CIROZ: variants seen among roughly 807,000 people sequenced by gnomAD.
The protein encoded by CIROZ is ciliated left-right organizer protein containing ZP-N domains.
chr1:10,962,564 C>G, the CIROZ span, among the ~76,000 whole-genome samples: 2 of 152,114 alleles, frequency 1.3e-5, no homozygotes, highest in Non-Finnish European at 2.9e-5. Flanking sequence ...GGAGTGCAGT[C>G]CAGCCTCAGC....
chr1:10,949,904 TC>T, the CIROZ span: 1 of 1,216,488 alleles, frequency 8.2e-7, no homozygotes, highest in Non-Finnish European at 1.1e-6. Context: ...TGACCCCTTT[TC>T]CACAGGTGGG....
chr1:10,969,866 T>C, the CIROZ span: 4 of 1,404,680 alleles, frequency 2.8e-6, no homozygotes, highest in Non-Finnish European at 3.7e-6. Context: ...ATTTGAGTGA[T>C]GCCCAGGAAC....
the CIROZ span, among the ~76,000 whole-genome samples, chr1:10,981,841 G>A: frequency 1.3e-5 from 2 of 152,176 alleles, no homozygotes; most frequent in African/African-American, 4.8e-5. Flanking sequence ...ACCTGAGAAA[G>A]TCAGCCCTTC....
At chr1:10,969,081 C>T in the CIROZ span, among the ~76,000 whole-genome samples, 1 of 152,152 alleles carries the variant, frequency 6.6e-6, no homozygotes. Context: ...CCTCCCAGGG[C>T]AGATTTAGGC....
chr1:10,959,557 G>A, the CIROZ span, among the ~76,000 whole-genome samples: 2 of 152,230 alleles, frequency 1.3e-5, no homozygotes, highest in East Asian at 3.9e-4. This position sits in a 1 kb window ranked among gnomAD's most constrained non-coding sequence, Gnocchi z 4.3. Flanking sequence ...ACCGGACAGA[G>A]TCACAGACCA....
chr1:10,948,795 T>G, the CIROZ span: 1 of 1,514,868 alleles, frequency 6.6e-7, no homozygotes, highest in Non-Finnish European at 8.8e-7. Flanking sequence ...GGCAGATGTC[T>G]GGCCTCTTCT....
the CIROZ span, chr1:10,957,673 C>T: frequency 1.2e-6 from 2 of 1,614,190 alleles, no homozygotes; most frequent in South Asian, 2.2e-5. Context: ...TGGTGGCATT[C>T]ATGTCCACAT....
At chr1:10,963,013 G>A in the CIROZ span, among the ~76,000 whole-genome samples, 2 of 152,126 alleles carry the variant, frequency 1.3e-5, no homozygotes, top group Non-Finnish European at 2.9e-5. Context: ...CCAGCTACTT[G>A]GGAGGCTGAA....
the CIROZ span, chr1:10,964,320 G>C: frequency 6.4e-7 from 1 of 1,551,456 alleles, no homozygotes; most frequent in East Asian, 2.4e-5. Flanking sequence ...GGAAAATACA[G>C]TTAATAGCCT....
At chr1:10,974,052 G>A in the CIROZ span, among the ~76,000 whole-genome samples, 2 of 152,088 alleles carry the variant, frequency 1.3e-5, no homozygotes, top group Non-Finnish European at 2.9e-5. The surrounding 1 kb of genome is among the most constrained non-coding windows in gnomAD (Gnocchi z 4.4). Flanking sequence ...GGGGGTTTGG[G>A]GCCAAGCCTG....
chr1:10,981,969 C>G, the CIROZ span: 5 of 1,535,296 alleles, frequency 3.3e-6, no homozygotes, highest in Non-Finnish European at 4.4e-6. Context: ...GCACACTAAG[C>G]ATGCCACTGG....
At chr1:10,969,014 A>G in the CIROZ span, among the ~76,000 whole-genome samples, 2 of 152,266 alleles carry the variant, frequency 1.3e-5, no homozygotes, top group East Asian at 3.9e-4. Context: ...GTGGCCTTTT[A>G]ATACACAAAT....
the CIROZ span, among the ~76,000 whole-genome samples, chr1:10,973,929 C>G: frequency 1.3e-5 from 2 of 151,364 alleles, no homozygotes; most frequent in African/African-American, 2.4e-5. Context: ...GTCTCTGCAG[C>G]CTGCACCCTC....
the CIROZ span, chr1:10,957,874 C>T: frequency 8.4e-7 from 1 of 1,191,112 alleles, no homozygotes; most frequent in Non-Finnish European, 1.2e-6. Context: ...GGAGGATAAT[C>T]TAGGCCAGGA....
the CIROZ span, chr1:10,948,912 T>C: frequency 7.1e-7 from 1 of 1,401,242 alleles, no homozygotes; most frequent in Non-Finnish European, 9.4e-7. Flanking sequence ...CCGGCTGCCC[T>C]GAGAATCTCA....
the CIROZ span, chr1:10,964,274 G>A: frequency 1.9e-6 from 3 of 1,606,902 alleles, no homozygotes; most frequent in Non-Finnish European, 2.6e-6. Context: ...TTTGCTTTCT[G>A]GAAGTAGGGC....
the CIROZ span, chr1:10,964,405 G>T: frequency 8.8e-7 from 1 of 1,134,040 alleles, no homozygotes; most frequent in Non-Finnish European, 1.2e-6. Flanking sequence ...TGTGGAAGAG[G>T]GATGGGAAAC....
chr1:10,959,831 G>T, the CIROZ span, among the ~76,000 whole-genome samples: 1 of 152,242 alleles, frequency 6.6e-6, no homozygotes, highest in Non-Finnish European at 1.5e-5. This position sits in a 1 kb window ranked among gnomAD's most constrained non-coding sequence, Gnocchi z 4.3. Flanking sequence ...AGCAGGCTCG[G>T]GCTGCCCACA....
At chr1:10,952,775 G>C in the CIROZ span, among the ~76,000 whole-genome samples, 1 of 152,218 alleles carries the variant, frequency 6.6e-6, no homozygotes, top group South Asian at 2.1e-4. Context: ...GCCTCCCAAA[G>C]TGCTGGGATT....
Sources: gnomAD v4.1 joint callset for allele counts (sites outside exome capture counted in the v4.1 genomes callset) on GRCh38, gnomAD v4.1.1 for gene constraint, Gnocchi (gnomAD v3.1) non-coding constraint, MANE v1.5 for transcripts, NCBI Gene and HGNC (gene_info 2026-07-23, HGNC 2026-07-21) for gene names.